The following UNC5C variants were observed in gnomAD, a reference collection of about 807,000 sequenced individuals.
UNC5C encodes netrin receptor UNC5C.
A neutral mutation model predicts 99.8 loss-of-function variants in UNC5C; 47 were observed. The ratio of observed to expected loss-of-function variants is 0.47; its 90% CI spans 0.37 to 0.60. The LOEUF is 0.60. Among genes scored for constraint, UNC5C ranks in the 20% least tolerant of loss-of-function variants. The pLI is 0.00. For missense variants in UNC5C, 1,062 were observed against 1,165.9 expected (o/e 0.91, Z 1.30); for synonymous variants, 487 against 452.2 (o/e 1.08, Z -0.98).
intron 12 of UNC5C, among the ~76,000 whole-genome samples, chr4:95,196,510 G>A (rs1229009221): frequency 1.3e-5 from 2 of 151,674 alleles, no homozygotes; most frequent in East Asian, 3.9e-4. Context: ...GGTAGTCACT[G>A]CCAACATGCT....
intron 1 of UNC5C, among the ~76,000 whole-genome samples, chr4:95,481,220 C>A (rs1578186884): frequency 6.6e-6 from 1 of 151,952 alleles, no homozygotes; most frequent in Non-Finnish European, 1.5e-5. Context: ...CAATAACAGA[C>A]AAACAGAGAG....
At chr4:95,451,318 A>G (rs555239054) in intron 1 of UNC5C, among the ~76,000 whole-genome samples, 1 of 152,222 alleles carries the variant, frequency 6.6e-6, no homozygotes, top group Non-Finnish European at 1.5e-5. Flanking sequence ...ACAGCTTAGT[A>G]AAGTGATATT....
chr4:95,402,273 T>A (rs1745722620), intron 1 of UNC5C, among the ~76,000 whole-genome samples: 1 of 152,218 alleles, frequency 6.6e-6, no homozygotes, highest in Non-Finnish European at 1.5e-5. Flanking sequence ...ATTTATCATA[T>A]TCATCAGATG....
chr4:95,412,191 C>T (rs887726495), intron 1 of UNC5C, among the ~76,000 whole-genome samples: 7 of 152,138 alleles, frequency 4.6e-5, no homozygotes, highest in Admixed American at 3.3e-4. Context: ...CCAGAGTGTG[C>T]TGCTTTAAGC....
At chr4:95,292,548 C>A (rs1579301572) in intron 3 of UNC5C, among the ~76,000 whole-genome samples, 1 of 151,948 alleles carries the variant, frequency 6.6e-6, no homozygotes, top group African/African-American at 2.4e-5. Context: ...AAATCTTTGC[C>A]TATGTGGACC....
chr4:95,510,096 A>G (rs1038676497), intron 1 of UNC5C, among the ~76,000 whole-genome samples: 3 of 152,038 alleles, frequency 2.0e-5, no homozygotes, highest in Non-Finnish European at 4.4e-5. Flanking sequence ...AATGTCATAT[A>G]TTAAATATTT....
chr4:95,529,937 C>T (rs576282396), intron 1 of UNC5C, among the ~76,000 whole-genome samples: 4 of 152,112 alleles, frequency 2.6e-5, no homozygotes, highest in South Asian at 2.1e-4. Flanking sequence ...TTTAATCCAC[C>T]GAAGTTTAGG....
Position 95,375,984 on chromosome 4 carries a change from C to T in UNC5C, c.125-40353G>A, listed in dbSNP as rs143992899. On this transcript the variant is annotated intron_variant, in intron 1 of 15. Transcript: ENST00000453304. ...AGGAGAATGGCGTGAACCTGGGAGG[C>T]GGAGCTTGCAGTGAGCCGAGATCAT... Among the ~76,000 whole-genome samples the T allele has an allele frequency of 0.034, 5,129 of 151,910 alleles. 742 individuals are homozygous for T. The East Asian group carries it at 0.51, about 15-fold the overall frequency.
At chr4:95,425,915 G>GT (rs950477768) in intron 1 of UNC5C, among the ~76,000 whole-genome samples, 1 of 151,998 alleles carries the variant, frequency 6.6e-6, no homozygotes, top group African/African-American at 2.4e-5. Flanking sequence ...ACTTCAAAGA[G>GT]TTTTTTAATA....
intron 1 of UNC5C, among the ~76,000 whole-genome samples, chr4:95,444,750 C>T (rs1039995291): frequency 6.6e-6 from 1 of 152,156 alleles, no homozygotes; most frequent in Admixed American, 6.5e-5. Context: ...AACTTTCCTC[C>T]ATTGACTCCC....
rs570733313 is a variant in UNC5C, at chr4:95,464,473, C to T, written c.124+84261G>A. 3.3e-5 allele frequency among the ~76,000 whole-genome samples: 5 copies of T among 152,074 alleles called. No homozygotes were observed. In the South Asian group the frequency reaches 6.2e-4, roughly 19 times the overall value. On this transcript the variant is annotated intron_variant, in intron 1 of 15. Transcript: ENST00000453304. ...ATTGGATGGTATCCTGGTTGGTATA[C>T]GAAAGGCTTTTTTTAAGTCAGAAAA...
chr4:95,196,819 AT>A (rs33943538), intron 12 of UNC5C, among the ~76,000 whole-genome samples: 1 of 120 alleles, frequency 8.3e-3, no homozygotes, highest in African/African-American at 0.015. Context: ...TATAATATAT[AT>A]TTATATATTA....
At chr4:95,272,496 G>A (rs1740697874) in intron 4 of UNC5C, among the ~76,000 whole-genome samples, 1 of 152,116 alleles carries the variant, frequency 6.6e-6, no homozygotes, top group African/African-American at 2.4e-5. Context: ...TGATCTCTGT[G>A]TGTAACTATT....
chr4:95,349,159 C>G (rs1418790589), intron 1 of UNC5C, among the ~76,000 whole-genome samples: 1 of 150,980 alleles, frequency 6.6e-6, no homozygotes, highest in Non-Finnish European at 1.5e-5. Context: ...AGGATGAATG[C>G]TCGAGGTAAG....
intron 12 of UNC5C, among the ~76,000 whole-genome samples, chr4:95,186,201 T>C (rs1313520028): frequency 6.6e-6 from 1 of 152,224 alleles, no homozygotes; most frequent in Non-Finnish European, 1.5e-5. Context: ...AGGAAATTTG[T>C]GACCCATTTT....
At chr4:95,482,016 A>C (rs529195930) in intron 1 of UNC5C, among the ~76,000 whole-genome samples, 15 of 152,284 alleles carry the variant, frequency 9.9e-5, no homozygotes, top group African/African-American at 2.9e-4. Context: ...AATGGGATCT[A>C]ATTAAACTAA....
chr4:95,281,475 G>A (rs1337251285), intron 3 of UNC5C, among the ~76,000 whole-genome samples: 8 of 152,204 alleles, frequency 5.3e-5, no homozygotes, highest in East Asian at 3.9e-4. Context: ...GGAGTGAGGC[G>A]GTGGTGAGGA....
intron 2 of UNC5C, among the ~76,000 whole-genome samples, chr4:95,316,629 G>A (rs1480084708): frequency 6.6e-6 from 1 of 152,138 alleles, no homozygotes; most frequent in Non-Finnish European, 1.5e-5. Context: ...ATCAAAAAAT[G>A]AGAAGAATAG....
intron 1 of UNC5C, among the ~76,000 whole-genome samples, chr4:95,385,830 T>G (rs151117271): frequency 1.5e-3 from 236 of 152,338 alleles, no homozygotes; most frequent in African/African-American, 5.5e-3. Flanking sequence ...AATTCTAATA[T>G]ATCCAGAATT....
Sources: allele counts gnomAD v4.1 joint callset (sites outside exome capture counted in the v4.1 genomes callset), GRCh38; gene constraint gnomAD v4.1.1; transcripts MANE v1.5; gene names NCBI Gene and HGNC (gene_info 2026-07-23, HGNC 2026-07-21).